The following KIF21A variants were observed in gnomAD, a reference collection of about 807,000 sequenced individuals.
KIF21A encodes the protein kinesin family member 21A, also known as kinesin-like protein KIF21A.
In KIF21A, 114 loss-of-function variants were observed where a neutral mutation model predicts 202.9. That is an observed-to-expected ratio of 0.56 (90% confidence interval 0.48 to 0.66). The LOEUF (loss-of-function observed/expected upper bound fraction) is 0.66, where lower values mean the gene tolerates loss of function less well. Among genes scored for constraint, KIF21A ranks in the 30% least tolerant of loss-of-function variants. The pLI is 0.00. For synonymous variants in KIF21A, 667 were observed against 670.8 expected (o/e 0.99, Z 0.09); for missense variants, 1,677 against 1,994.9 (o/e 0.84, Z 3.04).
At chr12:39,369,615 ATT>A (rs1949821963) in intron 3 of KIF21A, 112 bp downstream of exon 3, 7 of 761,206 alleles carry the variant, frequency 9.2e-6, no homozygotes, top group Admixed American at 2.5e-5. Flanking sequence ...CTCAAACAAC[ATT>A]TATTGAGTAC....
intron 16 of KIF21A, among the ~76,000 whole-genome samples, chr12:39,339,227 C>T (rs1947239716): frequency 8.5e-6 from 1 of 117,854 alleles, no homozygotes; most frequent in South Asian, 3.1e-4. Flanking sequence ...CAGAGCGAGA[C>T]TCCCTCTCAA....
chr12:39,297,051 G>C (rs1441033932), intron 37 of KIF21A, among the ~76,000 whole-genome samples: 1 of 152,164 alleles, frequency 6.6e-6, no homozygotes. Flanking sequence ...TTAGATTCTA[G>C]ATATAATTTA....
chr12:39,357,508 T>G, intron 8 of KIF21A, 71 bp from the exon 9 acceptor site: 1 of 1,269,960 alleles, frequency 7.9e-7, no homozygotes, highest in Non-Finnish European at 1.1e-6. Context: ...TTAAGAATAC[T>G]CTATAACTAT....
At chr12:39,346,433 C>A (rs1215237176) in intron 12 of KIF21A, 33 bp downstream of exon 12, 9 of 1,431,488 alleles carry the variant, frequency 6.3e-6, no homozygotes, top group African/African-American at 5.8e-5. Flanking sequence ...ATTTAAACGA[C>A]ATTTTAATAA....
intron 1 of KIF21A, among the ~76,000 whole-genome samples, chr12:39,426,189 G>C (rs1481123452): frequency 6.6e-6 from 1 of 152,148 alleles, no homozygotes; most frequent in Non-Finnish European, 1.5e-5. Context: ...AATATTTTTA[G>C]AATTGGAATA....
At chr12:39,363,265 A>G (rs1949368612) in intron 6 of KIF21A, 52 bp from the exon 7 acceptor site, 1 of 1,008,714 alleles carries the variant, frequency 9.9e-7, no homozygotes, top group Non-Finnish European at 1.6e-6. Flanking sequence ...TACTAATTAT[A>G]ACAATTTTAA....
At chr12:39,436,422 T>TTATATATATATATATATA (rs1199818833) in intron 1 of KIF21A, among the ~76,000 whole-genome samples, 21 of 99,086 alleles carry the variant, frequency 2.1e-4, no homozygotes, top group East Asian at 7.4e-4. Flanking sequence ...GTTTACTATA[T>TTATATATATATATATATA]TATATATATA....
At chr12:39,398,273 C>A (rs934196268) in intron 1 of KIF21A, among the ~76,000 whole-genome samples, 4 of 152,166 alleles carry the variant, frequency 2.6e-5, no homozygotes, top group African/African-American at 4.8e-5. Flanking sequence ...TGAAGAAGTT[C>A]TTTTACATGA....
intron 1 of KIF21A, among the ~76,000 whole-genome samples, chr12:39,397,733 A>G (rs867433168): frequency 1.3e-5 from 2 of 152,184 alleles, no homozygotes; most frequent in South Asian, 4.1e-4. Flanking sequence ...ATCTTCACCA[A>G]TTCCCCCAAA....
chr12:39,325,371 G>A (rs529600656), intron 26 of KIF21A, among the ~76,000 whole-genome samples: 4 of 148,326 alleles, frequency 2.7e-5, no homozygotes, highest in Admixed American at 1.3e-4. Context: ...TCGCTCCGTC[G>A]CCCAGGCTGG....
chr12:39,321,754 A>T (rs1945286602), intron 27 of KIF21A: 1 of 152,230 alleles, frequency 6.6e-6, no homozygotes, highest in Non-Finnish European at 1.5e-5. Context: ...TACAGATCAT[A>T]TAGTGTGTGC....
chr12:39,311,705 CAA>C, intron 31 of KIF21A, 152 bp from the exon 32 acceptor site: 2 of 737,880 alleles, frequency 2.7e-6, no homozygotes, highest in Non-Finnish European at 4.6e-6. Context: ...AGCAAAAGGA[CAA>C]AGTGTGAAAT....
At chr12:39,391,692 A>T (rs752406886) in intron 1 of KIF21A, among the ~76,000 whole-genome samples, 42 of 152,192 alleles carry the variant, frequency 2.8e-4, no homozygotes, top group Non-Finnish European at 5.1e-4. Flanking sequence ...ACAATAGTGT[A>T]TGAAGTAAAA....
At chr12:39,324,450 C>T (rs994665748) in intron 26 of KIF21A, among the ~76,000 whole-genome samples, 6 of 152,194 alleles carry the variant, frequency 3.9e-5, no homozygotes. Context: ...CGAACCATAG[C>T]AGAATGTTTT....
chr12:39,409,763 T>A (rs910669579), intron 1 of KIF21A, among the ~76,000 whole-genome samples: 2 of 151,890 alleles, frequency 1.3e-5, no homozygotes, highest in Non-Finnish European at 2.9e-5. Flanking sequence ...GTAGGCCTGA[T>A]CTAATCACAA....
At chr12:39,300,192 T>C (rs540292854) in intron 37 of KIF21A, among the ~76,000 whole-genome samples, 1 of 152,198 alleles carries the variant, frequency 6.6e-6, no homozygotes, top group East Asian at 1.9e-4. Context: ...TACATGTCAA[T>C]CCCCAGGCCT....
At chr12:39,339,297 T>C (rs975624508) in intron 16 of KIF21A, among the ~76,000 whole-genome samples, 5 of 152,114 alleles carry the variant, frequency 3.3e-5, no homozygotes, top group Admixed American at 3.3e-4. Context: ...TACAATACCT[T>C]TTCTATGTTT....
At chr12:39,326,434 G>A (rs985910710) in intron 24 of KIF21A, 110 bp from the exon 25 acceptor site, 9 of 744,688 alleles carry the variant, frequency 1.2e-5, no homozygotes, top group Non-Finnish European at 2.2e-5. Context: ...ATATGGGCAC[G>A]ATGGTTTTAG....
At chr12:39,325,185 TCTC>T (rs1233686050) in intron 26 of KIF21A, among the ~76,000 whole-genome samples, 3 of 152,204 alleles carry the variant, frequency 2.0e-5, no homozygotes, top group Admixed American at 1.3e-4. Context: ...ATTTTAAAAA[TCTC>T]CTGCCAATCT....
Sources: gnomAD v4.1 joint callset for allele counts (sites outside exome capture counted in the v4.1 genomes callset) on GRCh38, gnomAD v4.1.1 for gene constraint, MANE v1.5 for transcripts, NCBI Gene and HGNC (gene_info 2026-07-23, HGNC 2026-07-21) for gene names.